Variants in GOLGA8S observed in about 807,000 individuals in gnomAD.
The protein encoded by GOLGA8S is golgin subfamily A member 8S.
GOLGA8S carries 23 observed loss-of-function variants against 58.9 expected under a neutral mutation model. That is an observed-to-expected ratio of 0.39 (90% CI 0.28 to 0.55). The LOEUF (loss-of-function observed/expected upper bound fraction) is 0.55. Among genes scored for constraint, GOLGA8S ranks in the 20% least tolerant of loss-of-function variants. GOLGA8S has a pLI of 0.63. For synonymous variants in GOLGA8S, 84 were observed against 195.7 expected (o/e 0.43, Z 4.76); for missense variants, 266 against 514.2 (o/e 0.52, Z 4.67).
At chr15:23,361,358 G>A (rs2069798033) in exon 12 of GOLGA8S, 1 of 1,149,902 alleles carries the variant, frequency 8.7e-7, no homozygotes, top group African/African-American at 1.5e-5. Flanking sequence ...CCTGAATGAG[G>A]GGCAAAAGGA....
At chr15:23,359,994 G>T (rs939664739) in intron 8 of GOLGA8S, among the ~76,000 whole-genome samples, 1 of 149,640 alleles carries the variant, frequency 6.7e-6, no homozygotes, top group African/African-American at 2.5e-5. Flanking sequence ...AATAATAACA[G>T]TAATAACAAC....
At chr15:23,360,927 A>C in intron 11 of GOLGA8S, 112 bp downstream of exon 11, 1 of 790,140 alleles carries the variant, frequency 1.3e-6, no homozygotes, top group Non-Finnish European at 2.3e-6. Flanking sequence ...GGCAGAGGGA[A>C]AGAGGTCTGT....
exon 17 of GOLGA8S, chr15:23,364,578 C>A: frequency 6.4e-7 from 1 of 1,561,990 alleles, no homozygotes; most frequent in Non-Finnish European, 8.7e-7. Context: ...AGATGCGGCA[C>A]TGGGAGGAGG....
intron 16 of GOLGA8S, 32 bp from the exon 17 acceptor site, chr15:23,364,494 G>C (rs766537082): frequency 1.2e-6 from 2 of 1,605,224 alleles, no homozygotes; most frequent in Admixed American, 3.3e-5. Context: ...CCGTCGGAGG[G>C]GCCCCAGCGT....
chr15:23,365,590 C>T, downstream of GOLGA8S: 1 of 270,890 alleles, frequency 3.7e-6, no homozygotes, highest in Non-Finnish European at 7.1e-6. Context: ...GTGAGCTCTT[C>T]GTTAGCTCAA....
rs1596016486 is a variant in GOLGA8S at position 23,360,889 on chromosome 15, G to A, written c.874+74G>A. 9.9e-6 allele frequency: 9 copies of A among 904,546 alleles called. No homozygotes were observed. The East Asian group carries it at 1.9e-4, about 19-fold the overall frequency. 56.0% of individuals were successfully genotyped at this position (904,546 alleles called of 1,614,324 possible). ...TGTGAGGGTGGCTTGGAGTGCCCCA[G>A]CGAGGTGGGTGGATGGAAGGGCTTT... On this transcript the variant is annotated intron_variant, in intron 11 of 18. Coordinates refer to ENST00000562295, the Ensembl canonical transcript of GOLGA8S.
chr15:23,357,914 T>C (rs1184903886), intron 4 of GOLGA8S, among the ~76,000 whole-genome samples: 1 of 150,080 alleles, frequency 6.7e-6, no homozygotes. Flanking sequence ...GGTCCCTGTA[T>C]TTCTGCCATG....
downstream of GOLGA8S, chr15:23,366,473 T>C (rs2069923900): frequency 6.6e-6 from 1 of 151,992 alleles, no homozygotes; most frequent in South Asian, 2.1e-4. Context: ...TATTATACTA[T>C]CTTTGAAAAT....
intron 1 of GOLGA8S, among the ~76,000 whole-genome samples, chr15:23,356,302 G>T (rs2069687918): frequency 7.0e-6 from 1 of 143,780 alleles, no homozygotes; most frequent in South Asian, 2.3e-4. Flanking sequence ...TTCTAGCTCT[G>T]CCTCTGGTTT....
chr15:23,367,601 A>G (rs1055397243), downstream of GOLGA8S, among the ~76,000 whole-genome samples: 2 of 151,808 alleles, frequency 1.3e-5, no homozygotes, highest in East Asian at 1.9e-4. Context: ...ATATTTAAGA[A>G]AAAGCTAAAA....
chr15:23,360,594 G>A lies in GOLGA8S; in HGVS notation c.786+62G>A, dbSNP rs2069770767. 4 of 1,094,632 alleles carry A rather than the reference G, an allele frequency of 3.7e-6. 1 individual carries two copies. Among genetic ancestry groups the A allele is most frequent in the South Asian group, 2.5e-5 (2 of 79,432 alleles). The allele number at this position is 1,094,632 out of a possible 1,614,324, so 67.8% of individuals were successfully genotyped here. On this transcript the variant is annotated intron_variant, in intron 10 of 18. Transcript: ENST00000562295. ...GGTCACTGGATCTTTCTGGGCACCT[G>A]TAAAATGGGAATAGTAGAGCCAGAG... is the stretch of plus-strand genomic sequence containing the variant.
intron 11 of GOLGA8S, 57 bp from the exon 12 acceptor site, chr15:23,361,164 C>CTT (rs751480703): frequency 2.1e-6 from 2 of 950,668 alleles, no homozygotes; most frequent in African/African-American, 5.1e-5. Context: ...CTTTTCTTTT[C>CTT]TTTTCTTTTT....
chr15:23,361,246 A>C, exon 12 of GOLGA8S: 3 of 1,494,774 alleles, frequency 2.0e-6, no homozygotes, highest in Non-Finnish European at 2.8e-6. Context: ...CGGAGCCCCC[A>C]GCAGTGCCCT....
intron 4 of GOLGA8S, 128 bp from the exon 5 acceptor site, chr15:23,358,344 C>G (rs1283760954): frequency 1.5e-6 from 1 of 663,622 alleles, no homozygotes; most frequent in African/African-American, 1.8e-5. Context: ...TTTACCAGTT[C>G]GAGTTCCCAC....
At chr15:23,361,428 C>T (rs778919589) in exon 12 of GOLGA8S, 1 of 814,080 alleles carries the variant, frequency 1.2e-6, no homozygotes, top group Non-Finnish European at 2.1e-6. Flanking sequence ...CAGCAGCTGG[C>T]CGAGCCACAG....
chr15:23,366,488 GAGA>G (rs2069924323), downstream of GOLGA8S: 1 of 151,956 alleles, frequency 6.6e-6, no homozygotes, highest in Non-Finnish European at 1.5e-5. Flanking sequence ...GAAAATCAAG[GAGA>G]AGTTTATGAA....
At chr15:23,357,703 G>C in intron 4 of GOLGA8S, 84 bp downstream of exon 4, 3 of 615,296 alleles carry the variant, frequency 4.9e-6, no homozygotes, top group Non-Finnish European at 8.7e-6. Flanking sequence ...AAAGGGGACG[G>C]CGGCCCCTGG....
At position 23,364,509 on chromosome 15, in the gene GOLGA8S, G is replaced by A. The variant is rs998226611; in HGVS notation, c.1449-17G>A. On this transcript the variant is annotated splice_polypyrimidine_tract_variant and intron_variant, in intron 16 of 18. Transcript: ENST00000562295. ...CCGTCGGAGGGGCCCCAGCGTCTGA[G>A]CCCTGTCCTCCCGCAGGAAAATCCA... The A allele has an allele frequency of 2.2e-5, 35 of 1,604,266 alleles. 2 individuals are homozygous for A. The highest frequency in any genetic ancestry group is 2.9e-5 in the Non-Finnish European group (34 of 1,179,088).
chr15:23,365,484 A>G (rs1453045072), downstream of GOLGA8S: 11 of 389,254 alleles, frequency 2.8e-5, no homozygotes, highest in Non-Finnish European at 4.8e-5. Flanking sequence ...ATAGGCTGCC[A>G]TGCTTTTTTA....
Sources: allele counts gnomAD v4.1 joint callset (sites outside exome capture counted in the v4.1 genomes callset), GRCh38; gene constraint gnomAD v4.1.1; transcripts MANE v1.5; gene names NCBI Gene and HGNC (gene_info 2026-07-23, HGNC 2026-07-21).